Variants in ADAM32 observed in about 807,000 individuals in gnomAD.
ADAM32 encodes the protein disintegrin and metalloproteinase domain-containing protein 32.
ADAM32 carries 89 observed loss-of-function variants against 114.9 expected under a neutral mutation model. The ratio of observed to expected loss-of-function variants is 0.77; its 90% CI spans 0.65 to 0.92. The LOEUF (loss-of-function observed/expected upper bound fraction) is 0.92. Among genes scored for constraint, ADAM32 ranks in the 40% least tolerant of loss-of-function variants. ADAM32 has a pLI of 0.00. For synonymous variants in ADAM32, 285 were observed against 307.5 expected (o/e 0.93, Z 0.77); for missense variants, 870 against 932.8 (o/e 0.93, Z 0.88).
chr8:39,109,310 G>A (rs923124333), intron 1 of ADAM32, among the ~76,000 whole-genome samples: 5 of 152,178 alleles, frequency 3.3e-5, no homozygotes, highest in African/African-American at 1.2e-4. Context: ...GGGAGGCTGA[G>A]GCAGGTGGAT....
intron 2 of ADAM32, among the ~76,000 whole-genome samples, chr8:39,133,716 G>A (rs1435577986): frequency 6.6e-6 from 1 of 152,212 alleles, no homozygotes; most frequent in Admixed American, 6.5e-5. Context: ...CATTTTCCAG[G>A]CTCCTGGGAG....
At chr8:39,163,142 T>C (rs553956162) in intron 7 of ADAM32, among the ~76,000 whole-genome samples, 1 of 152,350 alleles carries the variant, frequency 6.6e-6, no homozygotes, top group Admixed American at 6.5e-5. Flanking sequence ...ATACACAGTT[T>C]AATAATGGAG....
intron 16 of ADAM32, 134 bp from the exon 17 acceptor site, chr8:39,245,949 G>A: frequency 1.5e-6 from 1 of 674,570 alleles, no homozygotes; most frequent in South Asian, 1.9e-5. Flanking sequence ...CTGGAATGCA[G>A]CAAAAGCAGT....
intron 10 of ADAM32, among the ~76,000 whole-genome samples, chr8:39,179,767 C>T (rs375149608): frequency 2.0e-5 from 3 of 152,168 alleles, no homozygotes; most frequent in South Asian, 2.1e-4. Flanking sequence ...TGGGTCAAGC[C>T]GTCTGCCTAG....
intron 19 of ADAM32, among the ~76,000 whole-genome samples, chr8:39,263,507 T>G (rs962714322): frequency 3.9e-5 from 6 of 152,190 alleles, no homozygotes; most frequent in African/African-American, 1.4e-4. Context: ...TCCTCCTTTT[T>G]CTTCATCTTC....
intron 19 of ADAM32, among the ~76,000 whole-genome samples, chr8:39,262,726 T>G (rs1308886613): frequency 2.6e-5 from 4 of 151,576 alleles, no homozygotes; most frequent in Admixed American, 2.6e-4. Context: ...CTTCCATCCT[T>G]TCTTTTTCTC....
chr8:39,237,875 C>T (rs371590687), intron 16 of ADAM32, among the ~76,000 whole-genome samples: 1 of 152,218 alleles, frequency 6.6e-6, no homozygotes, highest in African/African-American at 2.4e-5. Context: ...AACTTGAATA[C>T]TTACCTGGGT....
chr8:39,157,695 C>A, intron 6 of ADAM32: 1 of 897,768 alleles, frequency 1.1e-6, no homozygotes, highest in Non-Finnish European at 1.8e-6. Context: ...TGCATCAAGA[C>A]TTGTGGAGGA....
chr8:39,245,039 C>CA (rs1457551394), intron 16 of ADAM32, among the ~76,000 whole-genome samples: 1 of 151,960 alleles, frequency 6.6e-6, no homozygotes, highest in Non-Finnish European at 1.5e-5. Context: ...TTCTGCATAG[C>CA]AAAAATATAA....
chr8:39,157,483 C>T (rs1804213772), intron 6 of ADAM32: 3 of 354,870 alleles, frequency 8.5e-6, no homozygotes, highest in Non-Finnish European at 1.6e-5. Context: ...CTTTTTTTTT[C>T]AGTGTCAGAT....
chr8:39,130,018 A>C, intron 2 of ADAM32: 1 of 306,460 alleles, frequency 3.3e-6, no homozygotes, highest in Non-Finnish European at 6.4e-6. Flanking sequence ...GCAGTGGCAC[A>C]GTCTTGGCTC....
chr8:39,144,681 A>T (rs1803394059), intron 3 of ADAM32, among the ~76,000 whole-genome samples: 1 of 152,214 alleles, frequency 6.6e-6, no homozygotes, highest in Non-Finnish European at 1.5e-5. Flanking sequence ...CATATATGAC[A>T]AAGCCATAGC....
intron 2 of ADAM32, among the ~76,000 whole-genome samples, chr8:39,130,409 G>A (rs977970670): frequency 6.6e-6 from 1 of 150,686 alleles, no homozygotes; most frequent in Non-Finnish European, 1.5e-5. Context: ...AATTTTTTTT[G>A]TTATTTCTGC....
chr8:39,209,218 T>C (rs1014441051), intron 11 of ADAM32, among the ~76,000 whole-genome samples: 1 of 152,252 alleles, frequency 6.6e-6, no homozygotes, highest in Admixed American at 6.5e-5. Context: ...TAGCCTGTGT[T>C]TGTGCTCGTG....
chr8:39,160,858 A>G, intron 6 of ADAM32, 39 bp from the exon 7 acceptor site: 2 of 1,504,266 alleles, frequency 1.3e-6, no homozygotes, highest in African/African-American at 2.8e-5. Flanking sequence ...AAAATTATGA[A>G]ATTTTTCATG....
At chr8:39,266,889 G>T (rs1490893452) in intron 19 of ADAM32, among the ~76,000 whole-genome samples, 1 of 152,156 alleles carries the variant, frequency 6.6e-6, no homozygotes, top group African/African-American at 2.4e-5. Context: ...TTAGGCAATT[G>T]GCTTCATTTC....
intron 2 of ADAM32, among the ~76,000 whole-genome samples, chr8:39,133,366 TTTC>T (rs1335642997): frequency 2.6e-5 from 4 of 152,238 alleles, no homozygotes; most frequent in African/African-American, 9.6e-5. Context: ...ATCTATATGA[TTTC>T]TTCAACTATA....
At position 39,120,928 on chromosome 8, in the gene ADAM32, T is replaced by C. The variant is rs530112891; in HGVS notation, c.138+2763T>C. Among the ~76,000 whole-genome samples, 20 of 152,260 alleles carry C rather than the reference T, an allele frequency of 1.3e-4. No homozygotes were observed. The South Asian group carries it at 3.7e-3, about 29-fold the overall frequency. On this transcript the variant is annotated intron_variant, in intron 2 of 24. Transcript: ENST00000379907. ...AGAAATTGTGGGGGAAAACCTTGGGTATTTAGCTGGGGAGATTTCTAAGCA... is the reference window on the plus strand; with the variant it reads ...AGAAATTGTGGGGGAAAACCTTGGGCATTTAGCTGGGGAGATTTCTAAGCA...
At chr8:39,241,664 G>A (rs1810560647) in intron 16 of ADAM32, among the ~76,000 whole-genome samples, 1 of 152,196 alleles carries the variant, frequency 6.6e-6, no homozygotes, top group South Asian at 2.1e-4. Flanking sequence ...CTGGATGCAG[G>A]GCACCAAGTC....
Sources: gnomAD v4.1 joint callset for allele counts (sites outside exome capture counted in the v4.1 genomes callset) on GRCh38, gnomAD v4.1.1 for gene constraint, MANE v1.5 for transcripts, NCBI Gene and HGNC (gene_info 2026-07-23, HGNC 2026-07-21) for gene names.